The following ASIC2 variants were observed in gnomAD, a reference collection of about 807,000 sequenced individuals.
ASIC2 encodes the protein acid sensing ion channel subunit 2, also known as acid-sensing ion channel 2.
ASIC2 carries 25 observed loss-of-function variants against 57.3 expected under a neutral mutation model. The observed-to-expected ratio is 0.44, with a 90% CI of 0.32 to 0.61. ASIC2 has a LOEUF of 0.61. Ranked by LOEUF, ASIC2 falls within the 20% of genes least tolerant of loss-of-function variation. The pLI, the probability that ASIC2 is intolerant of heterozygous loss-of-function variation, is 0.06. For missense variants in ASIC2, 641 were observed against 738.1 expected, an observed-to-expected ratio of 0.87 and a Z score of 1.52; for synonymous variants, 319 against 307.5, an observed-to-expected ratio of 1.04 and a Z score of -0.39.
At chr17:33,349,173 TCAC>T (rs1231151805) in intron 1 of ASIC2, among the ~76,000 whole-genome samples, 1 of 152,216 alleles carries the variant, frequency 6.6e-6, no homozygotes, top group Non-Finnish European at 1.5e-5. Context: ...GAGAGAAGGC[TCAC>T]TATGGTCTTC....
intron 1 of ASIC2, among the ~76,000 whole-genome samples, chr17:33,261,364 A>T (rs995999610): frequency 2.6e-5 from 4 of 152,180 alleles, no homozygotes; most frequent in Non-Finnish European, 5.9e-5. Context: ...CTGTTTTCTG[A>T]GCTGCTATGT....
intron 1 of ASIC2, among the ~76,000 whole-genome samples, chr17:33,399,044 C>T (rs1910185647): frequency 6.6e-6 from 1 of 152,056 alleles, no homozygotes; most frequent in Non-Finnish European, 1.5e-5. Context: ...ACTCTGTATC[C>T]AGAGAAGCAG....
At position 34,085,776 on chromosome 17, in the gene ASIC2, C is replaced by T. The variant is rs1488552003; in HGVS notation, c.555+70202G>A. On this transcript the variant is annotated intron_variant, in intron 1 of 9. Coordinates refer to the ASIC2 transcript ENST00000359872. ...CCTGGTTTAGTCTTGGGAGAGTGTA[C>T]GTGTCGAGGAATTTATCCATTTCTT... Among the ~76,000 whole-genome samples the T allele has an allele frequency of 4.2e-3, 631 of 151,942 alleles. 9 individuals carry two copies. Among genetic ancestry groups the T allele is most frequent in the African/African-American group, 0.014 (560 of 41,416 alleles).
At chr17:33,949,399 A>G (rs1452021929) in intron 1 of ASIC2, among the ~76,000 whole-genome samples, 2 of 152,190 alleles carry the variant, frequency 1.3e-5, no homozygotes, top group Non-Finnish European at 2.9e-5. Context: ...TCAAATCTGC[A>G]TAGCCTGGCA....
chr17:33,866,380 TGG>T (rs1914237720), intron 1 of ASIC2, among the ~76,000 whole-genome samples: 2 of 152,186 alleles, frequency 1.3e-5, no homozygotes, highest in African/African-American at 4.8e-5. Flanking sequence ...TTCCATTGTA[TGG>T]ATATCTTCAT....
intron 1 of ASIC2, among the ~76,000 whole-genome samples, chr17:33,725,331 A>C (rs73282755): frequency 0.021 from 3,245 of 152,348 alleles, 104 homozygotes; most frequent in African/African-American, 0.073. Context: ...CCATAATGAC[A>C]ACATTAAATA....
intron 1 of ASIC2, among the ~76,000 whole-genome samples, chr17:33,675,541 T>C (rs923623182): frequency 1.3e-5 from 2 of 152,036 alleles, no homozygotes; most frequent in African/African-American, 4.8e-5. Context: ...TTTGCTTGCT[T>C]GGGTTTATAG....
At chr17:33,957,191 T>C (rs1904763389) in intron 1 of ASIC2, among the ~76,000 whole-genome samples, 1 of 152,196 alleles carries the variant, frequency 6.6e-6, no homozygotes, top group Non-Finnish European at 1.5e-5. Context: ...AGCTCTGAAT[T>C]CGACTCTGAC....
intron 1 of ASIC2, among the ~76,000 whole-genome samples, chr17:33,240,233 C>G (rs1222757802): frequency 6.6e-6 from 1 of 152,164 alleles, no homozygotes; most frequent in Non-Finnish European, 1.5e-5. Context: ...GCACAGATGG[C>G]TATCACAAAA....
chr17:33,475,109 C>T (rs1455189212), intron 1 of ASIC2, among the ~76,000 whole-genome samples: 1 of 151,978 alleles, frequency 6.6e-6, no homozygotes, highest in African/African-American at 2.4e-5. Flanking sequence ...CTTTCATCTC[C>T]ACTCCCCAAC....
intron 1 of ASIC2, among the ~76,000 whole-genome samples, chr17:33,813,364 AAAC>A (rs1912481202): frequency 6.6e-6 from 1 of 152,182 alleles, no homozygotes; most frequent in Non-Finnish European, 1.5e-5. Context: ...AAAAAACAAA[AAAC>A]AAAAAACAAA....
intron 1 of ASIC2, among the ~76,000 whole-genome samples, chr17:33,656,179 AAAAC>A (rs1374677879): frequency 5.9e-5 from 9 of 152,182 alleles, no homozygotes; most frequent in African/African-American, 1.4e-4. Context: ...TTATAGCAAA[AAAAC>A]AAACAAACCA....
chr17:33,340,959 T>C (rs562672706), intron 1 of ASIC2, among the ~76,000 whole-genome samples: 6 of 152,284 alleles, frequency 3.9e-5, no homozygotes, highest in Middle Eastern at 3.4e-3. Flanking sequence ...CTTTCACACC[T>C]CACCCTAGTC....
At chr17:33,988,185 T>G (rs920954392) in intron 1 of ASIC2, among the ~76,000 whole-genome samples, 4 of 152,166 alleles carry the variant, frequency 2.6e-5, no homozygotes, top group Non-Finnish European at 1.5e-5. Context: ...TATAGTATGG[T>G]GTGGTATACA....
intron 1 of ASIC2, among the ~76,000 whole-genome samples, chr17:33,427,997 T>C (rs1482332881): frequency 1.3e-5 from 2 of 152,164 alleles, no homozygotes; most frequent in Non-Finnish European, 2.9e-5. Context: ...GAGGGGTCCA[T>C]GTGGCAAGTA....
At chr17:33,233,167 G>A (rs1014345196) in intron 1 of ASIC2, among the ~76,000 whole-genome samples, 1 of 151,102 alleles carries the variant, frequency 6.6e-6, no homozygotes, top group South Asian at 2.1e-4. Flanking sequence ...TACCCTCAGC[G>A]GTCTGGGTAA....
At chr17:33,089,020 G>T (rs1378158018) in intron 2 of ASIC2, 30 bp from the exon 3 acceptor site, 1 of 1,612,914 alleles carries the variant, frequency 6.2e-7, no homozygotes. Context: ...CAGAGCCACG[G>T]GTCAGTAACA....
chr17:33,253,977 A>AT (rs1434239523), intron 1 of ASIC2, among the ~76,000 whole-genome samples: 1 of 152,098 alleles, frequency 6.6e-6, no homozygotes, highest in Non-Finnish European at 1.5e-5. Flanking sequence ...TCCTCTGAAT[A>AT]TTTTTTGTTT....
chr17:34,078,292 T>C (rs553118387), intron 1 of ASIC2, among the ~76,000 whole-genome samples: 1 of 152,338 alleles, frequency 6.6e-6, no homozygotes, highest in Non-Finnish European at 1.5e-5. Flanking sequence ...AGCCTAGCAC[T>C]GTACCTGGCA....
Sources: allele counts gnomAD v4.1 joint callset (sites outside exome capture counted in the v4.1 genomes callset), GRCh38; gene constraint gnomAD v4.1.1; transcripts MANE v1.5; gene names NCBI Gene and HGNC (gene_info 2026-07-23, HGNC 2026-07-21).